The following UTRN variants were observed in gnomAD, a reference collection of about 807,000 sequenced individuals.
UTRN encodes the protein dystrophin-related protein 1.
A neutral mutation model predicts 463.9 loss-of-function variants in UTRN; 283 were observed. The observed-to-expected ratio is 0.61, with a 90% CI of 0.55 to 0.67. The LOEUF (loss-of-function observed/expected upper bound fraction) is 0.67. UTRN is among the 30% of genes least tolerant of loss of function. The probability of loss-of-function intolerance (pLI) is 0.00; values close to 1 mark genes in which losing one functional copy is unlikely to be tolerated. For missense variants in UTRN, 3,922 were observed against 4,084.3 expected, an observed-to-expected ratio of 0.96 and a Z score of 1.08; for synonymous variants, 1,442 against 1,431.5, an observed-to-expected ratio of 1.01 and a Z score of -0.17.
At chr6:144,410,364 T>C (rs1302871525) in intron 3 of UTRN, among the ~76,000 whole-genome samples, 1 of 152,218 alleles carries the variant, frequency 6.6e-6, no homozygotes, top group Non-Finnish European at 1.5e-5. Context: ...TGAGTTTGCC[T>C]ACAGACCTTG....
chr6:144,447,574 G>T, intron 15 of UTRN, 28 bp from the exon 16 acceptor site: 1 of 1,606,588 alleles, frequency 6.2e-7, no homozygotes, highest in Non-Finnish European at 8.5e-7. Context: ...GTTAAAAAGA[G>T]TCATCTAATA....
intron 4 of UTRN, 129 bp downstream of exon 4, chr6:144,422,099 G>A (rs1784880741): frequency 1.4e-6 from 1 of 703,808 alleles, no homozygotes; most frequent in Admixed American, 3.7e-5. Flanking sequence ...CTGAAATTCG[G>A]AACATTTTTA....
At chr6:144,827,930 G>A (rs1780334311) in intron 68 of UTRN, among the ~76,000 whole-genome samples, 1 of 152,114 alleles carries the variant, frequency 6.6e-6, no homozygotes, top group South Asian at 2.1e-4. Flanking sequence ...TCCAAACACT[G>A]TACAAGCAGG....
Position 144,542,969 on chromosome 6 carries a change from C to T in UTRN, c.6595+99C>T, listed in dbSNP as rs1798102798. The T allele has an allele frequency of 1.1e-5, 11 of 994,006 alleles. 1 individual carries two copies. Among genetic ancestry groups the T allele is most frequent in the South Asian group, 3.2e-5 (2 of 62,210 alleles). 61.6% of individuals were successfully genotyped at this position (994,006 alleles called of 1,614,324 possible). A position where few individuals can be genotyped will look rare whatever the true frequency, so the allele number is the denominator to read the frequency against. ...ATGAATTAGAAAGACTTAGAAACGT[C>T]GTGCCATTTTCTTTATTTAATCTAC... On this transcript the variant is annotated intron_variant, in intron 46 of 74. Transcript: ENST00000367545.
intron 51 of UTRN, among the ~76,000 whole-genome samples, chr6:144,652,112 GCA>G (rs1778879892): frequency 6.6e-6 from 1 of 152,120 alleles, no homozygotes; most frequent in Non-Finnish European, 1.5e-5. Context: ...CCTTTGTTTA[GCA>G]ATTTCAAATG....
chr6:144,697,607 G>C (rs1403697632), intron 52 of UTRN, among the ~76,000 whole-genome samples: 1 of 152,166 alleles, frequency 6.6e-6, no homozygotes, highest in Non-Finnish European at 1.5e-5. Context: ...AGATTTGCCA[G>C]ACAAAGATTC....
chr6:144,534,891 G>A (rs902515033), intron 43 of UTRN, among the ~76,000 whole-genome samples: 13 of 152,160 alleles, frequency 8.5e-5, no homozygotes, highest in Non-Finnish European at 1.6e-4. Flanking sequence ...GGCCTTCTAG[G>A]CAGAAGAAGT....
chr6:144,789,107 C>T, intron 61 of UTRN, 87 bp from the exon 62 acceptor site: 3 of 1,055,982 alleles, frequency 2.8e-6, no homozygotes, highest in South Asian at 1.6e-5. Context: ...GATGGTTTAC[C>T]CCCAAGAAAA....
intron 61 of UTRN, among the ~76,000 whole-genome samples, chr6:144,786,919 TG>T (rs937481185): frequency 4.6e-5 from 7 of 152,210 alleles, no homozygotes; most frequent in African/African-American, 1.7e-4. Flanking sequence ...GCTTTTCTCT[TG>T]GTCCCAACAG....
At chr6:144,511,246 G>A (rs1327008799) in intron 35 of UTRN, 123 bp downstream of exon 35, 20 of 973,628 alleles carry the variant, frequency 2.1e-5, no homozygotes, top group South Asian at 1.2e-4. Context: ...TGTTTTGCTT[G>A]TGAATTAATT....
At chr6:144,370,567 G>T (rs1298286130) in intron 2 of UTRN, among the ~76,000 whole-genome samples, 1 of 152,220 alleles carries the variant, frequency 6.6e-6, no homozygotes, top group Non-Finnish European at 1.5e-5. Flanking sequence ...GACACGTGAG[G>T]TGGGAGCCCC....
At chr6:144,301,907 C>T (rs73780509) in intron 2 of UTRN, among the ~76,000 whole-genome samples, 14,595 of 151,992 alleles carry the variant, frequency 0.096, 898 homozygotes, top group Middle Eastern at 0.18. Context: ...AGGCAGAGGG[C>T]ACCAGGTGAA....
intron 51 of UTRN, among the ~76,000 whole-genome samples, chr6:144,617,808 G>C (rs142944456): frequency 6.6e-6 from 1 of 152,104 alleles, no homozygotes; most frequent in Non-Finnish European, 1.5e-5. Context: ...CAGAGCTACT[G>C]TTCTACCGGG....
chr6:144,581,746 G>C (rs1035133606), intron 51 of UTRN, among the ~76,000 whole-genome samples: 2 of 152,056 alleles, frequency 1.3e-5, no homozygotes, highest in Admixed American at 6.6e-5. Context: ...CAATTCATTT[G>C]TTTCTAGTCT....
intron 51 of UTRN, among the ~76,000 whole-genome samples, chr6:144,580,714 A>C (rs1232880988): frequency 6.6e-6 from 1 of 152,230 alleles, no homozygotes; most frequent in African/African-American, 2.4e-5. Flanking sequence ...CTTAAATGCC[A>C]TGCAAGTATT....
intron 1 of UTRN, among the ~76,000 whole-genome samples, chr6:144,288,679 GA>G (rs1803914667): frequency 2.0e-5 from 3 of 149,812 alleles, no homozygotes; most frequent in African/African-American, 7.3e-5. Context: ...TATAAAAAAT[GA>G]AAAAAGTTTT....
chr6:144,762,029 T>C (rs1792749643), intron 58 of UTRN, among the ~76,000 whole-genome samples: 2 of 152,166 alleles, frequency 1.3e-5, no homozygotes, highest in Admixed American at 6.5e-5. Flanking sequence ...ATTTGCCAGG[T>C]GTTGTGCTGA....
rs560174996 is a variant in UTRN, at chr6:144,694,502, A to G, written c.7653-5585A>G. 2.6e-5 allele frequency among the ~76,000 whole-genome samples: 4 copies of G among 152,194 alleles called. No individual in the cohort carries two copies. The East Asian group carries it at 7.8e-4, about 30-fold the overall frequency. ...TTTGTACATCTGGTAGAATTCAGCT[A>G]TGAATCCATCTGGTCCTGGGCTTTT... On this transcript the variant is annotated intron_variant, in intron 52 of 74. Coordinates refer to ENST00000367545, the MANE Select transcript of UTRN (RefSeq NM_007124.3).
chr6:144,824,748 C>T (rs1780010206), intron 66 of UTRN, among the ~76,000 whole-genome samples: 2 of 139,420 alleles, frequency 1.4e-5, no homozygotes, highest in Admixed American at 1.5e-4. Flanking sequence ...TTTGGAAATT[C>T]CTAGGCAGTA....
Sources: allele counts gnomAD v4.1 joint callset (sites outside exome capture counted in the v4.1 genomes callset), GRCh38; gene constraint gnomAD v4.1.1; transcripts MANE v1.5; gene names NCBI Gene and HGNC (gene_info 2026-07-23, HGNC 2026-07-21).